The following GOLGA5 variants were observed in gnomAD, a reference collection of about 807,000 sequenced individuals.
GOLGA5 encodes golgin A5, also known as golgin subfamily A member 5.
In GOLGA5, 50 loss-of-function variants were observed where a neutral mutation model predicts 93.5. That is an observed-to-expected ratio of 0.53 (90% CI 0.43 to 0.68). GOLGA5 has a LOEUF of 0.68. Among genes scored for constraint, GOLGA5 ranks in the 30% least tolerant of loss-of-function variants. The pLI is 0.00. For synonymous variants in GOLGA5, 312 were observed against 304.5 expected (o/e 1.02, Z -0.26); for missense variants, 760 against 856.4 (o/e 0.89, Z 1.40).
chr14:92,804,698 C>A (rs1476823852), intron 2 of GOLGA5, among the ~76,000 whole-genome samples: 1 of 149,480 alleles, frequency 6.7e-6, no homozygotes, highest in African/African-American at 2.5e-5. Context: ...ACCTTTTGCC[C>A]AGGCTGGAGT....
intron 1 of GOLGA5, among the ~76,000 whole-genome samples, chr14:92,794,660 C>T (rs1022524739): frequency 6.6e-6 from 1 of 152,230 alleles, no homozygotes; most frequent in Non-Finnish European, 1.5e-5. Context: ...CTCTGTCTTC[C>T]TTTCTCCTGA....
intron 2 of GOLGA5, among the ~76,000 whole-genome samples, chr14:92,801,593 T>C (rs1884871862): frequency 6.6e-6 from 1 of 152,200 alleles, no homozygotes; most frequent in African/African-American, 2.4e-5. Flanking sequence ...CTATGGCATC[T>C]CAATGAATAG....
chr14:92,819,760 A>G lies in GOLGA5; in HGVS notation c.1544A>G (p.Gln515Arg). 1 of 1,613,560 alleles carries G rather than the reference A, an allele frequency of 6.2e-7. No individual in the cohort carries two copies. The highest frequency in any genetic ancestry group is 8.5e-7 in the Non-Finnish European group (1 of 1,179,426). ...GCAGAATCAGCAAGAGAACAGTTAC[A>G]GGATCTGCATGACCAAATAGCTGGG... ...NEAESAREQL[Q>R]DLHDQIAGQK... is the part of the protein sequence containing the mutation. Residue 515 changes from glutamine (Q) to arginine (R), a missense_variant, in exon 8 of 13, where the codon CAG becomes CGG. Gln to Arg is a conservative substitution (Grantham distance 43, BLOSUM62 1). Coordinates refer to ENST00000163416, the MANE Select transcript of GOLGA5 (RefSeq NM_005113.4).
At position 92,826,225 on chromosome 14, in the gene GOLGA5, C is replaced by G. The variant is rs540081090; in HGVS notation, c.1719+1581C>G. 2.1e-4 allele frequency among the ~76,000 whole-genome samples: 32 copies of G among 151,390 alleles called. No individual in the cohort carries two copies. The South Asian group carries it at 6.3e-3, about 30-fold the overall frequency. On this transcript the variant is annotated intron_variant, in intron 9 of 12. Coordinates refer to ENST00000163416, the MANE Select transcript of GOLGA5 (RefSeq NM_005113.4). ...TCATCAAATTAGAAGAGAGCAAAAC[C>G]TTTGTCCCGTAGAATTAAGTTGACT...
In GOLGA5 at chr14:92,796,976, CAAAAAAAA is replaced by C. The variant is rs71123379; in HGVS notation, c.-30-417_-30-410del. Among the ~76,000 whole-genome samples, 6 of 73,660 alleles carry C rather than the reference CAAAAAAAA, an allele frequency of 8.1e-5. 1 individual carries two copies. Among genetic ancestry groups the C allele is most frequent in the Middle Eastern group, 0.015 (2 of 130 alleles). The allele number at this position is 73,660 out of a possible 152,430, so 48.3% of individuals were successfully genotyped here. Reference sequence around the variant, plus strand: ...TGGGCGACAGAGCGAGACTCCGTCTCAAAAAAAAAAAAAAAAAAAAAAGATTTGCCCTT... The same window carrying C: ...TGGGCGACAGAGCGAGACTCCGTCTCAAAAAAAAAAAAAAGATTTGCCCTT... On this transcript the variant is annotated intron_variant, in intron 1 of 12. Coordinates refer to ENST00000163416, the MANE Select transcript of GOLGA5 (RefSeq NM_005113.4).
chr14:92,837,071 C>CAA (rs371863531), intron 11 of GOLGA5, among the ~76,000 whole-genome samples: 3 of 129,014 alleles, frequency 2.3e-5, no homozygotes, highest in African/African-American at 5.8e-5. Context: ...AACTCCGTCT[C>CAA]AAAAAAAAAA....
intron 9 of GOLGA5, among the ~76,000 whole-genome samples, chr14:92,825,803 C>T (rs997901621): frequency 6.8e-6 from 1 of 147,524 alleles, no homozygotes; most frequent in African/African-American, 2.5e-5. Context: ...CTGCAGTGAG[C>T]TCTCAGTGCA....
chr14:92,830,622 A>G (rs1470598518), intron 9 of GOLGA5, among the ~76,000 whole-genome samples: 2 of 152,156 alleles, frequency 1.3e-5, no homozygotes, highest in African/African-American at 4.8e-5. Context: ...TTTGGGAGAC[A>G]GGATATTTGC....
At chr14:92,821,808 T>C (rs1885322736) in intron 8 of GOLGA5, among the ~76,000 whole-genome samples, 1 of 152,214 alleles carries the variant, frequency 6.6e-6, no homozygotes, top group South Asian at 2.1e-4. Flanking sequence ...CAGTTTTAGA[T>C]AATTTAGTTA....
At chr14:92,811,936 TC>T (rs2140320879) in intron 6 of GOLGA5, among the ~76,000 whole-genome samples, 182 bp downstream of exon 6, 1 of 68,354 alleles carries the variant, frequency 1.5e-5, no homozygotes, top group African/African-American at 7.4e-5. Context: ...TCCTACCACT[TC>T]TTTTAAAAAA....
At chr14:92,805,493 CTT>C in intron 2 of GOLGA5, among the ~76,000 whole-genome samples, 2 of 152,198 alleles carry the variant, frequency 1.3e-5, no homozygotes, top group South Asian at 4.1e-4. Flanking sequence ...TTTCATTTCT[CTT>C]GTATAAATAC....
intron 9 of GOLGA5, among the ~76,000 whole-genome samples, chr14:92,830,950 C>T (rs1211413917): frequency 6.6e-6 from 1 of 152,114 alleles, no homozygotes; most frequent in Non-Finnish European, 1.5e-5. Context: ...GTGTGACTGA[C>T]TTTATTGCAA....
chr14:92,802,945 C>T (rs1884906002), intron 2 of GOLGA5, among the ~76,000 whole-genome samples: 2 of 152,138 alleles, frequency 1.3e-5, no homozygotes, highest in South Asian at 4.1e-4. Flanking sequence ...CCAGTTGATA[C>T]TTTTAAATAT....
At chr14:92,821,578 AG>A (rs775072192) in intron 8 of GOLGA5, among the ~76,000 whole-genome samples, 1 of 152,186 alleles carries the variant, frequency 6.6e-6, no homozygotes, top group Non-Finnish European at 1.5e-5. Flanking sequence ...ATTTTACAGA[AG>A]AGAAAACTAT....
intron 3 of GOLGA5, 46 bp downstream of exon 3, chr14:92,807,009 T>G (rs1305525962): frequency 7.5e-7 from 1 of 1,332,074 alleles, no homozygotes; most frequent in African/African-American, 1.4e-5. Context: ...CTTTTAAAAA[T>G]AAACTTAAGG....
Position 92,839,614 on chromosome 14 carries a change from C to T in GOLGA5, c.*168C>T. On this transcript the variant is annotated 3_prime_UTR_variant, in exon 13 of 13. Coordinates refer to ENST00000163416, the MANE Select transcript of GOLGA5 (RefSeq NM_005113.4). ...GTATTCTACCTAAATCTTCCAATTT[C>T]CTTTAAATGGTAAGAGTTTCTAAAA... The T allele has an allele frequency of 1.7e-6, 1 of 596,724 alleles. No homozygotes were observed. The highest frequency in any genetic ancestry group is 3.0e-6 in the Non-Finnish European group (1 of 335,804). The allele number at this position is 596,724 out of a possible 1,614,324, so 37.0% of individuals were successfully genotyped here.
rs745505073 is a variant in GOLGA5 at position 92,824,627 on chromosome 14, C to A, written c.1702C>A (p.Gln568Lys). ...SRIKDRDEEI[Q>K]KLRNQLTNKT... Reference sequence around the variant, plus strand: ...AATTAAAGATCGAGACGAAGAAATTCAAAAACTCAGGAATCAGGTATGAAT... The same window carrying A: ...AATTAAAGATCGAGACGAAGAAATTAAAAAACTCAGGAATCAGGTATGAAT... Residue 568 changes from glutamine (Q) to lysine (K), a missense_variant, in exon 9 of 13, where the codon CAA becomes AAA. Gln to Lys is a moderately conservative substitution (Grantham distance 53). Transcript: ENST00000163416. 3.2e-6 allele frequency: 5 copies of A among 1,580,924 alleles called. No individual in the cohort carries two copies. Among genetic ancestry groups the A allele is most frequent in the South Asian group, 1.1e-5 (1 of 89,484 alleles).
At chr14:92,800,500 G>T (rs899824746) in intron 2 of GOLGA5, among the ~76,000 whole-genome samples, 1 of 152,178 alleles carries the variant, frequency 6.6e-6, no homozygotes, top group African/African-American at 2.4e-5. Flanking sequence ...ACAAAGTTGG[G>T]ACCTGTTTGT....
rs563503409 is a variant in GOLGA5 at position 92,823,564 on chromosome 14, A to G, written c.1621-982A>G. Among the ~76,000 whole-genome samples the G allele has an allele frequency of 8.6e-5, 13 of 151,516 alleles. No individual in the cohort carries two copies. The East Asian group carries it at 1.9e-3, about 23-fold the overall frequency. On this transcript the variant is annotated intron_variant, in intron 8 of 12. Coordinates refer to ENST00000163416, the MANE Select transcript of GOLGA5 (RefSeq NM_005113.4). ...TGAGTAGCTGGGATTACAGGCACGCACCACCGAGCCTGGCTAATTTTTTTA... is the reference window on the plus strand; with the variant it reads ...TGAGTAGCTGGGATTACAGGCACGCGCCACCGAGCCTGGCTAATTTTTTTA...
Sources: gnomAD v4.1 joint callset for allele counts (sites outside exome capture counted in the v4.1 genomes callset) on GRCh38, gnomAD v4.1.1 for gene constraint, MANE v1.5 for transcripts, NCBI Gene and HGNC (gene_info 2026-07-23, HGNC 2026-07-21) for gene names.